The following ABCA4 variants were observed in gnomAD, a reference collection of about 807,000 sequenced individuals.
ABCA4 encodes ATP binding cassette subfamily A member 4.
In ABCA4, 196 loss-of-function variants were observed where a neutral mutation model predicts 263.7. The ratio of observed to expected loss-of-function variants is 0.74; its 90% CI spans 0.66 to 0.84. ABCA4 has a LOEUF of 0.84. Ranked by LOEUF, ABCA4 falls within the 40% of genes least tolerant of loss-of-function variation. The pLI, the probability that ABCA4 is intolerant of heterozygous loss-of-function variation, is 0.00. For missense variants in ABCA4, 2,792 were observed against 2,855.1 expected, an observed-to-expected ratio of 0.98 and a Z score of 0.50; for synonymous variants, 1,133 against 1,094.2, an observed-to-expected ratio of 1.04 and a Z score of -0.70.
At chr1:94,098,744 T>A (rs1376396416) in intron 6 of ABCA4, 50 bp downstream of exon 6, 1 of 1,600,152 alleles carries the variant, frequency 6.2e-7, no homozygotes, top group Non-Finnish European at 8.6e-7. Context: ...GAGGCTCTGC[T>A]ACCCCAGGAA....
In ABCA4 at chr1:94,084,602, C is replaced by G. The variant is rs550445695; in HGVS notation, c.769-1161G>C. On this transcript the variant is annotated intron_variant, in intron 6 of 49. Transcript: ENST00000370225. ...GTACACTCAGGCAGCATTCATATTT[C>G]AGGCTTATTTTCTAATTGTGAAATA... Among the ~76,000 whole-genome samples, 210 of 152,296 alleles carry G rather than the reference C, an allele frequency of 1.4e-3. 1 individual carries two copies. The highest frequency in any genetic ancestry group is 4.8e-3 in the African/African-American group (199 of 41,562).
chr1:94,026,087 TC>T (rs1660032884), intron 30 of ABCA4, among the ~76,000 whole-genome samples: 1 of 152,216 alleles, frequency 6.6e-6, no homozygotes, highest in Non-Finnish European at 1.5e-5. Flanking sequence ...GGGAACACAT[TC>T]CGCTTACATT....
chr1:94,030,626 T>C, intron 28 of ABCA4, 100 bp from the exon 29 acceptor site: 1 of 1,191,974 alleles, frequency 8.4e-7, no homozygotes, highest in South Asian at 1.2e-5. Flanking sequence ...CAGGTATGTA[T>C]TGGAGGCACC....
At chr1:94,118,528 C>T (rs904090894) in intron 1 of ABCA4, among the ~76,000 whole-genome samples, 5 of 152,208 alleles carry the variant, frequency 3.3e-5, no homozygotes, top group Non-Finnish European at 7.3e-5. Context: ...ACAGATCCCT[C>T]TCAGAGCTAC....
chr1:94,094,675 G>C (rs1023290058), intron 6 of ABCA4, among the ~76,000 whole-genome samples: 1 of 152,096 alleles, frequency 6.6e-6, no homozygotes, highest in African/African-American at 2.4e-5. Flanking sequence ...AACATTCAAA[G>C]CAGAAGGGAC....
chr1:94,084,630 A>G (rs1032176220), intron 6 of ABCA4, among the ~76,000 whole-genome samples: 1 of 152,240 alleles, frequency 6.6e-6, no homozygotes, highest in African/African-American at 2.4e-5. Flanking sequence ...GTGAAATAAA[A>G]GGCCTTGTTA....
In ABCA4 at chr1:94,062,620, T is replaced by A; in HGVS notation, c.1894A>T (p.Ile632Phe). ...SQVQAEAPVGIYLQQMPYPCF... is the reference protein window; with the variant it reads ...SQVQAEAPVGFYLQQMPYPCF... The stretch of plus-strand genomic sequence containing the variant: ...GGGTAGGGCATCTGCTGGAGGTAGA[T>A]TCCAACTGGAGCCTCCGCCTGCACC... The change falls in exon 13 of 50, where the codon ATC (isoleucine) becomes TTC (phenylalanine). Residue 632 changes from isoleucine (I) to phenylalanine (F), a missense_variant. Ile to Phe is a conservative substitution (Grantham distance 21, BLOSUM62 0). Coordinates refer to ENST00000370225, the MANE Select transcript of ABCA4 (RefSeq NM_000350.3). 4 of 1,614,142 alleles carry A rather than the reference T, an allele frequency of 2.5e-6. No individual in the cohort carries two copies. The highest frequency in any genetic ancestry group is 3.4e-6 in the Non-Finnish European group (4 of 1,180,024).
At chr1:94,009,097 C>T (rs1441847637) in intron 40 of ABCA4, among the ~76,000 whole-genome samples, 1 of 152,100 alleles carries the variant, frequency 6.6e-6, no homozygotes, top group Non-Finnish European at 1.5e-5. Flanking sequence ...TCCTGGCCTC[C>T]TCATGTGTGA....
chr1:94,116,752 A>G (rs1662775263), intron 1 of ABCA4, among the ~76,000 whole-genome samples: 3 of 152,112 alleles, frequency 2.0e-5, no homozygotes, highest in Admixed American at 6.5e-5. Flanking sequence ...GGCATACCCC[A>G]GGGAGAAATT....
At chr1:94,004,909 T>C (rs1167655522) in intron 44 of ABCA4, among the ~76,000 whole-genome samples, 1 of 152,256 alleles carries the variant, frequency 6.6e-6, no homozygotes, top group African/African-American at 2.4e-5. Flanking sequence ...AAAGTAGCGT[T>C]CTCTATGTTC....
At chr1:94,074,135 T>C (rs1026152978) in intron 11 of ABCA4, among the ~76,000 whole-genome samples, 3 of 152,128 alleles carry the variant, frequency 2.0e-5, no homozygotes, top group East Asian at 1.9e-4. Context: ...TCGATCTGGG[T>C]TGATGCTTAA....
intron 4 of ABCA4, among the ~76,000 whole-genome samples, chr1:94,105,418 G>A (rs1012490798): frequency 2.0e-5 from 3 of 152,096 alleles, no homozygotes; most frequent in African/African-American, 7.2e-5. Flanking sequence ...CTGTGGCTCT[G>A]GGGGGGAAGG....
intron 5 of ABCA4, among the ~76,000 whole-genome samples, chr1:94,099,633 T>C (rs971021268): frequency 1.3e-5 from 2 of 152,220 alleles, no homozygotes; most frequent in Admixed American, 1.3e-4. Context: ...AATTTGCTCT[T>C]GGATTTAGCA....
chr1:94,027,070 G>A (rs960000263), intron 30 of ABCA4, among the ~76,000 whole-genome samples: 9 of 152,148 alleles, frequency 5.9e-5, no homozygotes, highest in African/African-American at 2.2e-4. Flanking sequence ...GAAAGAGAGA[G>A]AGAGAAAAAG....
chr1:94,078,926 T>C (rs2101103523), intron 9 of ABCA4, among the ~76,000 whole-genome samples: 1 of 152,280 alleles, frequency 6.6e-6, no homozygotes, highest in South Asian at 2.1e-4. Context: ...CAGAAGTCCA[T>C]GTAATATTGA....
chr1:94,043,814 GT>G (rs1382124629), intron 20 of ABCA4, among the ~76,000 whole-genome samples: 1 of 151,840 alleles, frequency 6.6e-6, no homozygotes, highest in Non-Finnish European at 1.5e-5. Flanking sequence ...TGTATGCATA[GT>G]TTTACTATTC....
chr1:94,090,829 G>C (rs1021862812), intron 6 of ABCA4, among the ~76,000 whole-genome samples: 11 of 152,200 alleles, frequency 7.2e-5, no homozygotes, highest in Admixed American at 5.2e-4. Flanking sequence ...TAACAGAGTA[G>C]GAAAGAGACT....
chr1:94,093,948 A>C (rs1286631620), intron 6 of ABCA4, among the ~76,000 whole-genome samples: 1 of 152,164 alleles, frequency 6.6e-6, no homozygotes, highest in African/African-American at 2.4e-5. Context: ...CAACAACAAA[A>C]ACCTTCCTGA....
In ABCA4 at chr1:94,037,177, T is replaced by C; in HGVS notation, c.3781A>G (p.Ser1261Gly). 6.2e-7 allele frequency: 1 copy of C among 1,614,230 alleles called. No individual in the cohort carries two copies. Among genetic ancestry groups the C allele is most frequent in the Non-Finnish European group, 8.5e-7 (1 of 1,180,048 alleles). Residue 1261 changes from serine (S) to glycine (G), a missense_variant, in exon 25 of 50, where the codon AGT becomes GGT. By Grantham distance (56) the Ser-to-Gly change is moderately conservative. Coordinates refer to ENST00000370225, the MANE Select transcript of ABCA4 (RefSeq NM_000350.3). ...AGGGGAGTGTCAGAAATTCCAAAAC[T>C]GCTGAGACCAAGGTCAGCCAGCGTC... ...EETLADLGLS[S>G]FGISDTPLEE...
Sources: gnomAD v4.1 joint callset for allele counts (sites outside exome capture counted in the v4.1 genomes callset) on GRCh38, gnomAD v4.1.1 for gene constraint, MANE v1.5 for transcripts, NCBI Gene and HGNC (gene_info 2026-07-23, HGNC 2026-07-21) for gene names.